Variants in PCDHGA8 observed in about 807,000 individuals in gnomAD.
The protein encoded by PCDHGA8 is protocadherin gamma-A8.
A neutral mutation model predicts 59.2 loss-of-function variants in PCDHGA8; 45 were observed. The observed-to-expected ratio is 0.76, with a 90% confidence interval of 0.60 to 0.98. The LOEUF (loss-of-function observed/expected upper bound fraction) is 0.98. Among genes scored for constraint, PCDHGA8 ranks in the 50% least tolerant of loss-of-function variants. PCDHGA8 has a pLI of 0.00. For missense variants in PCDHGA8, 1,257 were observed against 1,196.2 expected (o/e 1.05, Z -0.75); for synonymous variants, 531 against 519.0 (o/e 1.02, Z -0.32).
chr5:141,418,413 A>T, intron 1 of PCDHGA8: 1 of 1,614,048 alleles, frequency 6.2e-7, no homozygotes, highest in Non-Finnish European at 8.5e-7. Flanking sequence ...GAGAAAGACA[A>T]TCCTGATGGT....
chr5:141,486,843 A>G lies in PCDHGA8; in HGVS notation c.2425-7964A>G, dbSNP rs1455684942. On this transcript the variant is annotated intron_variant, in intron 1 of 3. Coordinates refer to ENST00000398604, the MANE Select transcript of PCDHGA8 (RefSeq NM_032088.2). The surrounding 1 kb of genome is among the most constrained non-coding windows in gnomAD (Gnocchi z 5.0). ...GTAACAGTTCGTCTATTTGTGCTGG[A>G]CCTCAATGACAATGCTCCAGCTGTG... 6.2e-7 allele frequency: 1 copy of G among 1,614,214 alleles called. No homozygotes were observed. Among genetic ancestry groups the G allele is most frequent in the Admixed American group, 1.7e-5 (1 of 60,034 alleles).
chr5:141,414,000 A>T (rs759228883), intron 1 of PCDHGA8: 2 of 1,613,282 alleles, frequency 1.2e-6, no homozygotes, highest in African/African-American at 2.7e-5. Flanking sequence ...ACAGGGACGA[A>T]GGTGCCAATG....
rs1471215172 is a variant in PCDHGA8 at position 141,511,840 on chromosome 5, TCTG to T, written c.*668_*670del. 1 of 156,722 alleles carries T rather than the reference TCTG, an allele frequency of 6.4e-6. No homozygotes were observed. Among genetic ancestry groups the T allele is most frequent in the African/African-American group, 2.4e-5 (1 of 41,448 alleles). The allele number at this position is 156,722 out of a possible 1,614,324, so 9.7% of individuals were successfully genotyped here. A position where few individuals can be genotyped will look rare whatever the true frequency, so the allele number is the denominator to read the frequency against. On this transcript the variant is annotated 3_prime_UTR_variant, in exon 4 of 4. Coordinates refer to ENST00000398604, the MANE Select transcript of PCDHGA8 (RefSeq NM_032088.2). ...TTCCCAACGCCCTGGGGACCAGTCTTCTGTTTTGTTTTTCATTGTTTGACGTTT... is the reference window on the plus strand; with the variant it reads ...TTCCCAACGCCCTGGGGACCAGTCTTTTTTGTTTTTCATTGTTTGACGTTT...
chr5:141,428,055 G>C (rs1232516220), intron 1 of PCDHGA8: 8 of 1,608,952 alleles, frequency 5.0e-6, no homozygotes, highest in African/African-American at 1.3e-5. Context: ...CAAGGTGGTG[G>C]CGGTGGACGC....
chr5:141,485,609 G>T lies in PCDHGA8; in HGVS notation c.2425-9198G>T. On this transcript the variant is annotated intron_variant, in intron 1 of 3. Coordinates refer to ENST00000398604, the MANE Select transcript of PCDHGA8 (RefSeq NM_032088.2). The surrounding 1 kb of genome is among the most constrained non-coding windows in gnomAD (Gnocchi z 5.7). ...GCTGGACTTGGAAATTGGGGAGGCA[G>T]CTCCTCCAGGACAGCGTTTCCCGTT... The T allele has an allele frequency of 6.2e-7, 1 of 1,612,256 alleles. No homozygotes were observed. Among genetic ancestry groups the T allele is most frequent in the Non-Finnish European group, 8.5e-7 (1 of 1,178,656 alleles).
At chr5:141,484,899 T>G (rs1296997337) in intron 1 of PCDHGA8, 9 of 398,498 alleles carry the variant, frequency 2.3e-5, no homozygotes, top group Non-Finnish European at 3.1e-5. Flanking sequence ...TCCCCTCCAA[T>G]GCTGCGACGC....
chr5:141,414,981 C>G (rs766434004), intron 1 of PCDHGA8: 12 of 1,613,722 alleles, frequency 7.4e-6, no homozygotes, highest in East Asian at 6.7e-5. Flanking sequence ...ACAGAGACTC[C>G]GGCCAGAACG....
At chr5:141,478,735 G>T in intron 1 of PCDHGA8, 1 of 1,535,968 alleles carries the variant, frequency 6.5e-7, no homozygotes, top group Non-Finnish European at 8.8e-7. Flanking sequence ...AGTGTGGTTT[G>T]TGGTCCCATT....
chr5:141,415,067 G>A, intron 1 of PCDHGA8: 1 of 1,613,398 alleles, frequency 6.2e-7, no homozygotes, highest in Non-Finnish European at 8.5e-7. Context: ...GGCGAGGTGC[G>A]CACGGCGCGA....
At position 141,478,875 on chromosome 5, in the gene PCDHGA8, G is replaced by A. The variant is rs913320768; in HGVS notation, c.2425-15932G>A. On this transcript the variant is annotated intron_variant, in intron 1 of 3. Coordinates refer to ENST00000398604, the MANE Select transcript of PCDHGA8 (RefSeq NM_032088.2). ...ACAAGATCTCAGCGATCAGAGTTTA[G>A]CTTGGTATCATTTACATTAGGAATA... The A allele has an allele frequency of 2.4e-6, 3 of 1,273,470 alleles. No homozygotes were observed. The South Asian group carries it at 4.8e-5, about 21-fold the overall frequency. 78.9% of individuals were successfully genotyped at this position (1,273,470 alleles called of 1,614,324 possible).
At chr5:141,403,616 C>G (rs2094434764) in intron 1 of PCDHGA8, 11 of 1,613,892 alleles carry the variant, frequency 6.8e-6, no homozygotes, top group Non-Finnish European at 9.3e-6. Flanking sequence ...CGAGCCGCGT[C>G]GCTCCAGCAC....
intron 1 of PCDHGA8, among the ~76,000 whole-genome samples, chr5:141,480,299 C>T: frequency 7.5e-6 from 1 of 132,466 alleles, no homozygotes; most frequent in Non-Finnish European, 1.6e-5. Flanking sequence ...CCTGTGGTAC[C>T]AGCTACTTGG....
intron 1 of PCDHGA8, chr5:141,427,984 C>T (rs754620535): frequency 1.9e-6 from 3 of 1,597,494 alleles, no homozygotes; most frequent in South Asian, 1.1e-5. Context: ...GCGCTGGGGC[C>T]CGATGGCTCC....
In PCDHGA8 at chr5:141,493,164, T is replaced by C. The variant is rs558860783; in HGVS notation, c.2425-1643T>C. Among the ~76,000 whole-genome samples the C allele has an allele frequency of 4.6e-5, 7 of 152,340 alleles. 1 individual carries two copies. The South Asian group carries it at 1.2e-3, about 27-fold the overall frequency. On this transcript the variant is annotated intron_variant, in intron 1 of 3. Coordinates refer to ENST00000398604, the MANE Select transcript of PCDHGA8 (RefSeq NM_032088.2). The surrounding 1 kb of genome is among the most constrained non-coding windows in gnomAD (Gnocchi z 4.3). Reference sequence around the variant, plus strand: ...ACCCCCAGGTGATTTTGATAGCTGATTGAGAGAAACTTACTATATAACTCC... The same window carrying C: ...ACCCCCAGGTGATTTTGATAGCTGACTGAGAGAAACTTACTATATAACTCC...
intron 1 of PCDHGA8, among the ~76,000 whole-genome samples, chr5:141,451,073 C>A (rs1346074089): frequency 6.6e-6 from 1 of 151,958 alleles, no homozygotes; most frequent in Non-Finnish European, 1.5e-5. Flanking sequence ...TGTGATCCAC[C>A]CACCTTGACC....
chr5:141,404,165 T>G, intron 1 of PCDHGA8: 1 of 1,613,246 alleles, frequency 6.2e-7, no homozygotes, highest in Non-Finnish European at 8.5e-7. Flanking sequence ...TTACAGATTG[T>G]TGACGGCCCA....
chr5:141,467,710 G>A (rs1284029664), intron 1 of PCDHGA8, among the ~76,000 whole-genome samples: 1 of 152,122 alleles, frequency 6.6e-6, no homozygotes, highest in Non-Finnish European at 1.5e-5. Context: ...TGCCCAGGCT[G>A]GAGTGTAGTG....
In PCDHGA8 at chr5:141,494,836, C is replaced by G. The variant is rs1016713543; in HGVS notation, c.2454C>G (p.Phe818Leu). ...CCCCGCCCAACACGGACTGGCGTTT[C>G]TCTCAGGCCCAGAGACCCGGCACCA... ...QQAPPNTDWR[F>L]SQAQRPGTSG... The change falls in exon 2 of 4, where the codon TTC (phenylalanine) becomes TTG (leucine). Residue 818 changes from phenylalanine (F) to leucine (L), a missense_variant. Phe to Leu is a conservative substitution (Grantham distance 22, BLOSUM62 0). Coordinates refer to ENST00000398604, the MANE Select transcript of PCDHGA8 (RefSeq NM_032088.2). 1.9e-6 allele frequency: 3 copies of G among 1,614,054 alleles called. No individual in the cohort carries two copies. The highest frequency in any genetic ancestry group is 2.7e-5 in the African/African-American group (2 of 74,932).
intron 1 of PCDHGA8, chr5:141,428,122 G>A: frequency 6.2e-7 from 1 of 1,606,172 alleles, no homozygotes; most frequent in Non-Finnish European, 8.5e-7. Context: ...ATCGAGCCCG[G>A]GCTTTTCAGC....
Sources: gnomAD v4.1 joint callset for allele counts (sites outside exome capture counted in the v4.1 genomes callset) on GRCh38, gnomAD v4.1.1 for gene constraint, Gnocchi (gnomAD v3.1) non-coding constraint, MANE v1.5 for transcripts, NCBI Gene and HGNC (gene_info 2026-07-23, HGNC 2026-07-21) for gene names.